CAST: variants seen among roughly 807,000 people sequenced by gnomAD.
CAST encodes the protein calpastatin, also known as MIR583 host.
Under a neutral mutation model 119.6 loss-of-function variants are expected in CAST, and 76 were observed. The ratio of observed to expected loss-of-function variants is 0.64; its 90% CI spans 0.53 to 0.77. CAST has a LOEUF of 0.77. Among genes scored for constraint, CAST ranks in the 30% least tolerant of loss-of-function variants. CAST has a pLI of 0.00. For synonymous variants in CAST, 319 were observed against 331.6 expected, an observed-to-expected ratio of 0.96 and a Z score of 0.41; for missense variants, 953 against 946.5, an observed-to-expected ratio of 1.01 and a Z score of -0.09.
chr5:96,014,622 A>G, the CAST span, among the ~76,000 whole-genome samples: 1 of 152,148 alleles, frequency 6.6e-6, no homozygotes, highest in African/African-American at 2.4e-5. Context: ...ACTAGGTAAT[A>G]GGAATTTTTC....
chr5:95,980,258 T>G, the CAST span: 1 of 152,154 alleles, frequency 6.6e-6, no homozygotes, highest in Non-Finnish European at 1.5e-5. Flanking sequence ...AATTGGGAGA[T>G]CTGTGCTTAT....
At chr5:96,707,263 C>T (rs1409003830) in intron 3 of CAST, among the ~76,000 whole-genome samples, 3 of 152,150 alleles carry the variant, frequency 2.0e-5, no homozygotes, top group Non-Finnish European at 2.9e-5. Context: ...ATTTGTTTTC[C>T]TACAGATCCC....
the CAST span, chr5:96,399,893 AC>A: frequency 7.5e-7 from 1 of 1,330,094 alleles, no homozygotes; most frequent in Non-Finnish European, 1.1e-6. Flanking sequence ...AGAATGGCAA[AC>A]ATAGTAATGA....
chr5:96,029,295 CA>C, the CAST span, among the ~76,000 whole-genome samples: 1 of 151,950 alleles, frequency 6.6e-6, no homozygotes, highest in Admixed American at 6.6e-5. Context: ...TATATCTATC[CA>C]TATATTTGCT....
chr5:95,996,775 C>T, the CAST span, among the ~76,000 whole-genome samples: 1 of 152,064 alleles, frequency 6.6e-6, no homozygotes, highest in Non-Finnish European at 1.5e-5. Flanking sequence ...CAGGAATCTA[C>T]ATTTTAATAT....
At chr5:96,236,573 G>A in the CAST span, among the ~76,000 whole-genome samples, 1 of 152,192 alleles carries the variant, frequency 6.6e-6, no homozygotes, top group African/African-American at 2.4e-5. Flanking sequence ...GATTTAAGGA[G>A]TAAGGAATGA....
chr5:96,598,266 T>C (rs752142751), intron 1 of CAST, among the ~76,000 whole-genome samples: 3 of 152,220 alleles, frequency 2.0e-5, no homozygotes, highest in Non-Finnish European at 4.4e-5. Flanking sequence ...GCCCAGTGCA[T>C]GAAAATAACT....
the CAST span, among the ~76,000 whole-genome samples, chr5:96,293,102 G>T: frequency 6.6e-6 from 1 of 152,110 alleles, no homozygotes; most frequent in Non-Finnish European, 1.5e-5. Flanking sequence ...AATTCCAGTG[G>T]CCTCCATTCA....
intron 2 of CAST, among the ~76,000 whole-genome samples, chr5:96,685,742 A>G (rs986603149): frequency 2.0e-5 from 3 of 152,194 alleles, no homozygotes; most frequent in Non-Finnish European, 2.9e-5. Context: ...TGGGGATGGT[A>G]TGAGAAATTC....
At chr5:96,317,340 G>A in the CAST span, among the ~76,000 whole-genome samples, 1 of 150,674 alleles carries the variant, frequency 6.6e-6, no homozygotes. Flanking sequence ...AGCTGGGCAT[G>A]GTGGTGCACT....
the CAST span, among the ~76,000 whole-genome samples, chr5:96,263,631 G>C: frequency 6.7e-6 from 1 of 148,430 alleles, no homozygotes; most frequent in African/African-American, 2.6e-5. Context: ...AGAGAGACTT[G>C]GTTGACCAAG....
At chr5:96,369,678 T>C in the CAST span, among the ~76,000 whole-genome samples, 8 of 152,136 alleles carry the variant, frequency 5.3e-5, no homozygotes, top group Admixed American at 3.3e-4. Flanking sequence ...GAAATCCAAG[T>C]AAGGAAATGT....
the CAST span, among the ~76,000 whole-genome samples, chr5:96,323,301 A>T: frequency 6.6e-6 from 1 of 152,216 alleles, no homozygotes; most frequent in Non-Finnish European, 1.5e-5. Context: ...ATTAGCAAGG[A>T]CAATTCCTAG....
In CAST at chr5:96,685,911, A is replaced by G. The variant is rs146159268; in HGVS notation, c.139-9925A>G. On this transcript the variant is annotated intron_variant, in intron 2 of 31. Coordinates refer to ENST00000675179, the MANE Select transcript of CAST (RefSeq NM_001750.7). ...AAATAATTCTTGTGGAGTGCATAGC[A>G]TGGTGCGTAGCACACATAAACATTG... Among the ~76,000 whole-genome samples the G allele has an allele frequency of 3.9e-5, 6 of 152,364 alleles. No individual in the cohort carries two copies. The East Asian group carries it at 9.6e-4, about 24-fold the overall frequency.
At chr5:96,229,285 C>T in the CAST span, among the ~76,000 whole-genome samples, 2 of 150,990 alleles carry the variant, frequency 1.3e-5, no homozygotes, top group African/African-American at 4.9e-5. Context: ...TACTTTGCTC[C>T]TTCTCCTTAG....
chr5:96,014,221 C>T, the CAST span, among the ~76,000 whole-genome samples: 4,500 of 150,780 alleles, frequency 0.03, 108 homozygotes, highest in Admixed American at 0.075. Flanking sequence ...TAGGCCTACA[C>T]GGGGTCAGGA....
At chr5:96,712,858 G>T (rs1756446495) in intron 3 of CAST, among the ~76,000 whole-genome samples, 1 of 152,088 alleles carries the variant, frequency 6.6e-6, no homozygotes, top group South Asian at 2.1e-4. Context: ...ATATTCTTCA[G>T]TGAAAGGTGG....
intron 3 of CAST, among the ~76,000 whole-genome samples, chr5:96,709,688 G>A (rs189065588): frequency 4.6e-5 from 7 of 152,072 alleles, no homozygotes; most frequent in African/African-American, 9.7e-5. Flanking sequence ...CCTGATCTTC[G>A]TAATGATCTG....
chr5:96,417,248 C>T, the CAST span, among the ~76,000 whole-genome samples: 1 of 152,144 alleles, frequency 6.6e-6, no homozygotes, highest in Non-Finnish European at 1.5e-5. Context: ...AGATGATTTC[C>T]TGGTCTCCTT....
Sources: gnomAD v4.1 joint callset for allele counts (sites outside exome capture counted in the v4.1 genomes callset) on GRCh38, gnomAD v4.1.1 for gene constraint, MANE v1.5 for transcripts, NCBI Gene and HGNC (gene_info 2026-07-23, HGNC 2026-07-21) for gene names.